Variants in NBEA observed in about 807,000 individuals in gnomAD.
NBEA encodes the protein lysosomal-trafficking regulator 2.
In NBEA, 44 loss-of-function variants were observed where a neutral mutation model predicts 343.4. The ratio of observed to expected loss-of-function variants is 0.13; its 90% CI spans 0.10 to 0.16. The LOEUF (loss-of-function observed/expected upper bound fraction) is 0.16. NBEA is among the 10% of genes least tolerant of loss of function. NBEA has a pLI of 1.00. For synonymous variants in NBEA, 1,175 were observed against 1,238.7 expected, an observed-to-expected ratio of 0.95 and a Z score of 1.08; for missense variants, 2,555 against 3,631.3, an observed-to-expected ratio of 0.70 and a Z score of 7.62.
Position 34,967,144 on chromosome 13 carries a change from G to A in NBEA, c.294+24030G>A, listed in dbSNP as rs945652482. ...ACTTTTCATTTTTGGTGTTAGAAAG[G>A]TTTGTTATTATTAGTGAAAAGGTTA... On this transcript the variant is annotated intron_variant, in intron 1 of 58. Coordinates refer to ENST00000379939, the MANE Select transcript of NBEA (RefSeq NM_001385012.1). 3.3e-5 allele frequency among the ~76,000 whole-genome samples: 5 copies of A among 151,616 alleles called. No homozygotes were observed. The South Asian group carries it at 8.3e-4, about 25-fold the overall frequency.
intron 40 of NBEA, 77 bp from the exon 41 acceptor site, chr13:35,472,323 A>C: frequency 1.3e-6 from 2 of 1,508,584 alleles, no homozygotes; most frequent in Non-Finnish European, 1.8e-6. Flanking sequence ...ACCAATAAAA[A>C]CCTCTGGTAC....
At chr13:35,413,737 A>G (rs998691710) in intron 38 of NBEA, among the ~76,000 whole-genome samples, 1 of 152,140 alleles carries the variant, frequency 6.6e-6, no homozygotes, top group African/African-American at 2.4e-5. Context: ...GATTGTTCAT[A>G]TGTTCTTTTC....
intron 36 of NBEA, among the ~76,000 whole-genome samples, chr13:35,341,669 A>G (rs2039592289): frequency 6.6e-6 from 1 of 152,084 alleles, no homozygotes; most frequent in African/African-American, 2.4e-5. Context: ...TCAAAACCAC[A>G]GTAAGATACC....
chr13:35,479,729 A>C (rs955413467), intron 41 of NBEA, among the ~76,000 whole-genome samples: 1 of 152,092 alleles, frequency 6.6e-6, no homozygotes, highest in Non-Finnish European at 1.5e-5. Context: ...TTTTTAAAAA[A>C]CTCCAGTTAT....
At chr13:35,241,304 G>A (rs1278054774) in intron 34 of NBEA, among the ~76,000 whole-genome samples, 1 of 151,706 alleles carries the variant, frequency 6.6e-6, no homozygotes. Flanking sequence ...ATGAGACAGA[G>A]CTCCATTGTA....
chr13:35,463,341 G>A (rs1235464153), intron 40 of NBEA, among the ~76,000 whole-genome samples: 2 of 152,190 alleles, frequency 1.3e-5, no homozygotes, highest in Non-Finnish European at 2.9e-5. Flanking sequence ...ATAAGTTGCA[G>A]GCCAGGTGCG....
Position 34,942,991 on chromosome 13 carries a change from C to T in NBEA, c.171C>T (p.Pro57=), listed in dbSNP as rs773065298. Residue 57 remains proline, a synonymous_variant, in exon 1 of 59, where the codon CCC becomes CCT. Transcript: ENST00000379939. The part of the protein sequence containing the change: ...GASGSGSVML[P]AGMINPSVPI... ...CCGGCTCCGGCTCGGTGATGCTCCC[C>T]GCGGGGATGATTAACCCTTCGGTGC... 6.2e-7 allele frequency: 1 copy of T among 1,610,784 alleles called. No individual in the cohort carries two copies. The highest frequency in any genetic ancestry group is 8.5e-7 in the Non-Finnish European group (1 of 1,178,658).
chr13:35,252,858 C>G (rs768154259), intron 34 of NBEA, among the ~76,000 whole-genome samples: 1 of 152,150 alleles, frequency 6.6e-6, no homozygotes, highest in East Asian at 1.9e-4. Flanking sequence ...ATGTTGCCCC[C>G]CAGGTCCCTA....
At chr13:35,176,543 T>C (rs1400667950) in intron 27 of NBEA, among the ~76,000 whole-genome samples, 2 of 152,052 alleles carry the variant, frequency 1.3e-5, no homozygotes, top group African/African-American at 4.8e-5. Flanking sequence ...TGATTCTTTT[T>C]AATCTTACCG....
chr13:35,275,161 A>AT (rs1476150299), intron 34 of NBEA, among the ~76,000 whole-genome samples: 6 of 152,206 alleles, frequency 3.9e-5, no homozygotes, highest in African/African-American at 1.4e-4. Context: ...AAACAGACAT[A>AT]TAGACCAAAG....
At chr13:34,990,448 C>T (rs1469076561) in intron 1 of NBEA, among the ~76,000 whole-genome samples, 1 of 151,216 alleles carries the variant, frequency 6.6e-6, no homozygotes, top group East Asian at 1.9e-4. Context: ...CTTGCACCAT[C>T]TGGAGCAGTG....
At chr13:35,380,359 C>T (rs9544184) in intron 38 of NBEA, among the ~76,000 whole-genome samples, 23,519 of 151,984 alleles carry the variant, frequency 0.15, 2,034 homozygotes, top group East Asian at 0.43. Flanking sequence ...ACAGGAGAAT[C>T]ACTTGAACTT....
chr13:35,630,821 C>A (rs990135450), intron 49 of NBEA, among the ~76,000 whole-genome samples: 7 of 152,138 alleles, frequency 4.6e-5, no homozygotes, highest in Non-Finnish European at 1.0e-4. Flanking sequence ...CCTGTGTGGA[C>A]TCAAGATTGC....
rs183059456 is a variant in NBEA, at chr13:35,636,936, G to A, written c.7617+8688G>A. Reference sequence around the variant, plus strand: ...AGTATCAACAAATATTTATTGCAATGAGACTCTACAGCCTTTCCTATCTGC... The same window carrying A: ...AGTATCAACAAATATTTATTGCAATAAGACTCTACAGCCTTTCCTATCTGC... On this transcript the variant is annotated intron_variant, in intron 49 of 58. Coordinates refer to ENST00000379939, the MANE Select transcript of NBEA (RefSeq NM_001385012.1). Among the ~76,000 whole-genome samples, 460 of 152,298 alleles carry A rather than the reference G, an allele frequency of 3.0e-3. 1 individual carries two copies. The highest frequency in any genetic ancestry group is 0.011 in the African/African-American group (437 of 41,564).
At chr13:35,432,480 G>A in intron 39 of NBEA, 87 bp downstream of exon 39, 1 of 1,206,076 alleles carries the variant, frequency 8.3e-7, no homozygotes, top group South Asian at 2.0e-5. Flanking sequence ...TTTTTCGCTA[G>A]TATTTAATGT....
chr13:35,552,951 C>T (rs757014842), intron 43 of NBEA, among the ~76,000 whole-genome samples: 11 of 151,798 alleles, frequency 7.2e-5, no homozygotes, highest in Admixed American at 1.3e-4. Context: ...AGTGCAGTGG[C>T]GTGATCTCAG....
intron 1 of NBEA, among the ~76,000 whole-genome samples, chr13:34,952,636 A>G (rs777029371): frequency 1.8e-4 from 28 of 152,182 alleles, no homozygotes; most frequent in Non-Finnish European, 3.7e-4. Context: ...GAATTATACT[A>G]GCATCTGGGT....
At chr13:35,308,610 A>ATATATGTG (rs1243851172) in intron 35 of NBEA, among the ~76,000 whole-genome samples, 2 of 131,496 alleles carry the variant, frequency 1.5e-5, no homozygotes, top group Admixed American at 7.8e-5. Context: ...GTATATATGT[A>ATATATGTG]TATATATATG....
intron 1 of NBEA, among the ~76,000 whole-genome samples, chr13:34,956,414 A>G (rs1039511068): frequency 1.5e-5 from 2 of 132,942 alleles, no homozygotes; most frequent in African/African-American, 5.6e-5. Flanking sequence ...TTTGGTCATT[A>G]GGTTTATTCC....
Sources: gnomAD v4.1 joint callset for allele counts (sites outside exome capture counted in the v4.1 genomes callset) on GRCh38, gnomAD v4.1.1 for gene constraint, MANE v1.5 for transcripts, NCBI Gene and HGNC (gene_info 2026-07-23, HGNC 2026-07-21) for gene names.